MYOM2: variants seen among roughly 807,000 people sequenced by gnomAD.
MYOM2 encodes myomesin-2.
In MYOM2, 254 loss-of-function variants were observed where a neutral mutation model predicts 187.6. The ratio of observed to expected loss-of-function variants is 1.35; its 90% CI spans 1.22 to 1.50. The LOEUF is 1.50. Ranked by LOEUF, MYOM2 falls within the 40% of genes most tolerant of loss-of-function variation. The probability of loss-of-function intolerance (pLI) is 0.00; values close to 1 mark genes in which losing one functional copy is unlikely to be tolerated. For synonymous variants in MYOM2, 981 were observed against 753.8 expected, an observed-to-expected ratio of 1.30 and a Z score of -4.94; for missense variants, 2,796 against 1,924.0, an observed-to-expected ratio of 1.45 and a Z score of -8.48.
Position 2,073,515 on chromosome 8 carries a change from GTT to G in MYOM2, c.1120+16_1120+17del, listed in dbSNP as rs778100194. On this transcript the variant is annotated intron_variant, in intron 10 of 36. Transcript: ENST00000262113. Reference sequence around the variant, plus strand: ...GTTTGTCAGAGGTGCGGGCAGCAGGGTTCTCAGGGTGCAGACCTTGTGTGTGC... The same window carrying G: ...GTTTGTCAGAGGTGCGGGCAGCAGGGCTCAGGGTGCAGACCTTGTGTGTGC... 1.9e-6 allele frequency: 3 copies of G among 1,587,892 alleles called. No homozygotes were observed. Among genetic ancestry groups the G allele is most frequent in the South Asian group, 2.2e-5 (2 of 89,964 alleles).
chr8:2,082,829 C>T (rs766431102), intron 13 of MYOM2, among the ~76,000 whole-genome samples: 1 of 152,224 alleles, frequency 6.6e-6, no homozygotes, highest in African/African-American at 2.4e-5. Context: ...CTGCAGGACC[C>T]TTCAATTCTG....
At chr8:2,130,659 C>T (rs566784433) in intron 32 of MYOM2, among the ~76,000 whole-genome samples, 67 of 152,278 alleles carry the variant, frequency 4.4e-4, no homozygotes, top group African/African-American at 1.6e-3. Flanking sequence ...TGCTTGGAAT[C>T]TCTCACGTCT....
intron 8 of MYOM2, among the ~76,000 whole-genome samples, chr8:2,071,060 C>T (rs1398278214): frequency 2.0e-5 from 3 of 152,154 alleles, no homozygotes; most frequent in African/African-American, 7.2e-5. Flanking sequence ...CTTGATCTCC[C>T]TGGCTCAAGG....
chr8:2,096,007 A>G (rs1210619765), intron 17 of MYOM2, among the ~76,000 whole-genome samples: 4 of 152,202 alleles, frequency 2.6e-5, no homozygotes, highest in Non-Finnish European at 5.9e-5. Flanking sequence ...TAGTAGATAC[A>G]CTTAGAAATA....
chr8:2,097,392 A>G (rs1358735691), intron 18 of MYOM2, among the ~76,000 whole-genome samples: 1 of 152,224 alleles, frequency 6.6e-6, no homozygotes, highest in African/African-American at 2.4e-5. Context: ...CGTATGGGGT[A>G]CAATGTGATA....
Position 2,106,292 on chromosome 8 carries a change from G to A in MYOM2, c.2785G>A (p.Gly929Ser). ...CGATGAACAAGGCAACATCTATCTG[G>A]GCTTCGACTGCCAGGAAATGACAGA... ...GVDEQGNIYL[G>S]FDCQEMTDAS... The change falls in exon 22 of 37, where the codon GGC becomes AGC. Residue 929 changes from glycine to serine, a missense_variant. Coordinates refer to ENST00000262113, the MANE Select transcript of MYOM2 (RefSeq NM_003970.4). 6.2e-7 allele frequency: 1 copy of A among 1,614,122 alleles called. No individual in the cohort carries two copies. Among genetic ancestry groups the A allele is most frequent in the Middle Eastern group, 1.6e-4 (1 of 6,062 alleles).
rs1190223500 is a variant in MYOM2 at position 2,052,151 on chromosome 8, C to T, written c.108-7C>T. 8.1e-6 allele frequency: 13 copies of T among 1,612,870 alleles called. No individual in the cohort carries two copies. Among genetic ancestry groups the T allele is most frequent in the Non-Finnish European group, 1.1e-5 (13 of 1,179,536 alleles). On this transcript the variant is annotated splice_polypyrimidine_tract_variant and splice_region_variant and intron_variant, in intron 2 of 36. Transcript: ENST00000262113. ...TGCATCTCCTAATCGTGTCCATGTTCCTGAAGGCGAGCTTCCACCCAGGCA... is the reference window on the plus strand; with the variant it reads ...TGCATCTCCTAATCGTGTCCATGTTTCTGAAGGCGAGCTTCCACCCAGGCA...
At chr8:2,105,074 G>C (rs928846531) in intron 21 of MYOM2, among the ~76,000 whole-genome samples, 1 of 152,134 alleles carries the variant, frequency 6.6e-6, no homozygotes, top group Admixed American at 6.5e-5. Flanking sequence ...GCTGCCCCCA[G>C]TCATTAATCA....
At chr8:2,135,979 C>G (rs946354365) in intron 32 of MYOM2, among the ~76,000 whole-genome samples, 1 of 152,180 alleles carries the variant, frequency 6.6e-6, no homozygotes, top group African/African-American at 2.4e-5. Context: ...CCAGCATTTG[C>G]CCTCAAGGTG....
intron 12 of MYOM2, 61 bp from the exon 13 acceptor site, chr8:2,079,499 A>T: frequency 1.3e-6 from 2 of 1,553,378 alleles, no homozygotes; most frequent in Non-Finnish European, 1.8e-6. Context: ...AGAATGAGGG[A>T]AAACGGGCTT....
intron 27 of MYOM2, among the ~76,000 whole-genome samples, chr8:2,116,905 C>A (rs1797265433): frequency 6.6e-6 from 1 of 150,890 alleles, no homozygotes; most frequent in African/African-American, 2.4e-5. Context: ...CTACAGGCGC[C>A]CGCCACTATG....
intron 21 of MYOM2, 38 bp downstream of exon 21, chr8:2,102,819 T>C: frequency 6.6e-7 from 1 of 1,515,302 alleles, no homozygotes; most frequent in East Asian, 2.3e-5. Flanking sequence ...CAGCAATGAT[T>C]TGTGGGGAGA....
rs751971541 is a variant in MYOM2 at position 2,117,999 on chromosome 8, TC to T, written c.3453+49del. The T allele has an allele frequency of 9.0e-6, 14 of 1,559,742 alleles. No homozygotes were observed. In the Middle Eastern group the frequency reaches 8.4e-4, roughly 93 times the overall value. ...GGAAAACAATAAATCTCATTCTGGT[TC>T]CTATCAGAGAGGCCTTTCAGGGAGT... is the stretch of plus-strand genomic sequence containing the variant. On this transcript the variant is annotated intron_variant, in intron 28 of 36. Coordinates refer to ENST00000262113, the MANE Select transcript of MYOM2 (RefSeq NM_003970.4).
At chr8:2,139,436 C>T (rs28660400) in intron 32 of MYOM2, among the ~76,000 whole-genome samples, 4,838 of 152,238 alleles carry the variant, frequency 0.032, 260 homozygotes, top group African/African-American at 0.11. Context: ...CCACCACACC[C>T]GGCCTGAGCT....
intron 30 of MYOM2, 127 bp downstream of exon 30, chr8:2,123,769 T>TTTTA: frequency 1.3e-6 from 1 of 779,076 alleles, no homozygotes; most frequent in Non-Finnish European, 2.1e-6. Flanking sequence ...GCAGTAACAC[T>TTTTA]GTAGAAAAAA....
intron 5 of MYOM2, 140 bp from the exon 6 acceptor site, chr8:2,059,013 A>G (rs906031385): frequency 3.0e-6 from 2 of 661,370 alleles, no homozygotes; most frequent in Non-Finnish European, 5.2e-6. Flanking sequence ...CCTCACCGTC[A>G]GGGCTCTGTC....
rs545666578 is a variant in MYOM2 at position 2,115,264 on chromosome 8, G to C, written c.3181-696G>C. 2.5e-3 allele frequency among the ~76,000 whole-genome samples: 378 copies of C among 151,994 alleles called. 2 individuals carry two copies. The highest frequency in any genetic ancestry group is 8.9e-3 in the African/African-American group (368 of 41,476). On this transcript the variant is annotated intron_variant, in intron 25 of 36. Coordinates refer to ENST00000262113, the MANE Select transcript of MYOM2 (RefSeq NM_003970.4). ...TTTAGTGAAGTTAAAAAGTTAATAA[G>C]TAAACATCACAAAATCAGAGGGAAA...
At chr8:2,120,956 T>C (rs1204515621) in intron 28 of MYOM2, among the ~76,000 whole-genome samples, 1 of 151,604 alleles carries the variant, frequency 6.6e-6, no homozygotes, top group Non-Finnish European at 1.5e-5. Flanking sequence ...AAAAGGAAGA[T>C]TCAGAAATGA....
intron 31 of MYOM2, 73 bp downstream of exon 31, chr8:2,124,290 T>A (rs368243994): frequency 6.9e-7 from 1 of 1,458,626 alleles, no homozygotes; most frequent in Non-Finnish European, 9.5e-7. Flanking sequence ...GGGAAGTCAC[T>A]GCTGCAAAAG....
Sources: gnomAD v4.1 joint callset for allele counts (sites outside exome capture counted in the v4.1 genomes callset) on GRCh38, gnomAD v4.1.1 for gene constraint, MANE v1.5 for transcripts, NCBI Gene and HGNC (gene_info 2026-07-23, HGNC 2026-07-21) for gene names.